The following EPHA7 variants were observed in gnomAD, a reference collection of about 807,000 sequenced individuals.
EPHA7 encodes ephrin type-A receptor 7.
A neutral mutation model predicts 112.6 loss-of-function variants in EPHA7; 25 were observed. The observed-to-expected ratio is 0.22, with a 90% CI of 0.16 to 0.31. The LOEUF (loss-of-function observed/expected upper bound fraction) is 0.31. Ranked by LOEUF, EPHA7 falls within the 10% of genes least tolerant of loss-of-function variation. EPHA7 has a pLI of 1.00. For synonymous variants in EPHA7, 437 were observed against 406.5 expected (o/e 1.07, Z -0.90); for missense variants, 962 against 1,212.6 (o/e 0.79, Z 3.07).
At chr6:93,416,040 T>C (rs1349428762) in intron 1 of EPHA7, among the ~76,000 whole-genome samples, 9 of 152,094 alleles carry the variant, frequency 5.9e-5, no homozygotes, top group Non-Finnish European at 1.3e-4. Flanking sequence ...GTTGTTGTTG[T>C]TGTTTCTTTG....
intron 5 of EPHA7, 114 bp from the exon 6 acceptor site, chr6:93,272,536 C>T (rs1430796475): frequency 4.7e-6 from 6 of 1,283,024 alleles, no homozygotes; most frequent in African/African-American, 1.5e-5. Flanking sequence ...TAAAAGAAAG[C>T]ACCTTTTCAT....
At chr6:93,331,794 C>A (rs76902358) in intron 5 of EPHA7, among the ~76,000 whole-genome samples, 1 of 151,462 alleles carries the variant, frequency 6.6e-6, no homozygotes, top group Non-Finnish European at 1.5e-5. Context: ...TTCAAAGATA[C>A]GTACTTTCTA....
intron 5 of EPHA7, among the ~76,000 whole-genome samples, chr6:93,336,893 T>TAAA (rs35715060): frequency 1.2e-4 from 17 of 146,840 alleles, no homozygotes; most frequent in Admixed American, 4.1e-4. Flanking sequence ...ATTATTTTTG[T>TAAA]AAAAAAAAAA....
chr6:93,361,032 G>T (rs921552967), intron 3 of EPHA7, among the ~76,000 whole-genome samples: 2 of 151,908 alleles, frequency 1.3e-5, no homozygotes, highest in African/African-American at 4.8e-5. Flanking sequence ...AACTTAGAAA[G>T]CTATGAAATA....
At chr6:93,312,609 T>C (rs537724351) in intron 5 of EPHA7, among the ~76,000 whole-genome samples, 1 of 152,342 alleles carries the variant, frequency 6.6e-6, no homozygotes, top group East Asian at 1.9e-4. Context: ...TTTCACTCTC[T>C]TATCATTCGT....
At chr6:93,351,949 T>A (rs1414040593) in intron 5 of EPHA7, among the ~76,000 whole-genome samples, 1 of 152,100 alleles carries the variant, frequency 6.6e-6, no homozygotes. Flanking sequence ...AATTCTAGTA[T>A]AAAGAGGTGA....
intron 2 of EPHA7, among the ~76,000 whole-genome samples, chr6:93,411,562 G>A (rs748074165): frequency 7.2e-5 from 11 of 152,016 alleles, no homozygotes; most frequent in Non-Finnish European, 1.3e-4. Context: ...TGATAACTCA[G>A]TTGACATTTT....
At chr6:93,263,523 C>T (rs1770786435) in intron 9 of EPHA7, among the ~76,000 whole-genome samples, 1 of 151,342 alleles carries the variant, frequency 6.6e-6, no homozygotes, top group African/African-American at 2.4e-5. Context: ...CCTGACATGA[C>T]ATTCCTTAGC....
intron 3 of EPHA7, among the ~76,000 whole-genome samples, chr6:93,359,866 G>C (rs1416636369): frequency 1.6e-5 from 2 of 122,960 alleles, no homozygotes; most frequent in African/African-American, 3.0e-5. Flanking sequence ...GAGAGAGAGA[G>C]AGAGAGAGAG....
chr6:93,408,720 T>C (rs1778834599), intron 3 of EPHA7, among the ~76,000 whole-genome samples: 1 of 152,124 alleles, frequency 6.6e-6, no homozygotes. Context: ...TTAGCAGCCA[T>C]CCACATGAAG....
At chr6:93,363,376 T>C (rs1036177813) in intron 3 of EPHA7, among the ~76,000 whole-genome samples, 1 of 152,016 alleles carries the variant, frequency 6.6e-6, no homozygotes, top group Non-Finnish European at 1.5e-5. Context: ...AATAAGCCAA[T>C]CAAAAATATG....
rs532623918 is a variant in EPHA7, at chr6:93,400,480, A to G, written c.832+10021T>C. On this transcript the variant is annotated intron_variant, in intron 3 of 16. Transcript: ENST00000369303. Reference sequence around the variant, plus strand: ...CCTCCACACCTATCCATTCACCCCTAATCCCTCTCCTGGTCCAACTCTCTT... The same window carrying G: ...CCTCCACACCTATCCATTCACCCCTGATCCCTCTCCTGGTCCAACTCTCTT... Among the ~76,000 whole-genome samples, 116 of 152,086 alleles carry G rather than the reference A, an allele frequency of 7.6e-4. 1 individual carries two copies. Among genetic ancestry groups the G allele is most frequent in the African/African-American group, 2.7e-3 (111 of 41,490 alleles).
intron 5 of EPHA7, among the ~76,000 whole-genome samples, chr6:93,348,503 C>A (rs578087389): frequency 6.6e-6 from 1 of 151,640 alleles, no homozygotes; most frequent in Admixed American, 6.6e-5. Context: ...TGAAGCATTA[C>A]GAAAGTTTTC....
intron 9 of EPHA7, among the ~76,000 whole-genome samples, chr6:93,263,380 T>C (rs553981656): frequency 6.6e-6 from 1 of 151,552 alleles, no homozygotes. Context: ...AATCTTATTA[T>C]TATACTATTT....
At chr6:93,281,096 A>G (rs1383516830) in intron 5 of EPHA7, among the ~76,000 whole-genome samples, 1 of 152,192 alleles carries the variant, frequency 6.6e-6, no homozygotes, top group Non-Finnish European at 1.5e-5. Flanking sequence ...TTTATAAAAT[A>G]GCTATTTCAG....
chr6:93,325,419 G>A (rs1241871279), intron 5 of EPHA7, among the ~76,000 whole-genome samples: 1 of 151,148 alleles, frequency 6.6e-6, no homozygotes, highest in Non-Finnish European at 1.5e-5. Context: ...AACCAGTGAT[G>A]CGCAAGTGAC....
intron 16 of EPHA7, 150 bp downstream of exon 16, chr6:93,245,148 T>C: frequency 1.5e-6 from 1 of 670,496 alleles, no homozygotes. Flanking sequence ...GTATAATGCC[T>C]GGTACGCAGT....
chr6:93,362,430 T>G (rs1025107280), intron 3 of EPHA7, among the ~76,000 whole-genome samples: 3 of 152,072 alleles, frequency 2.0e-5, no homozygotes, highest in Non-Finnish European at 4.4e-5. Flanking sequence ...TATTTTTAAT[T>G]TAAAATTTTT....
chr6:93,261,596 T>C (rs1165890305), intron 9 of EPHA7, among the ~76,000 whole-genome samples: 2 of 151,562 alleles, frequency 1.3e-5, no homozygotes, highest in Non-Finnish European at 3.0e-5. Flanking sequence ...AAAATGAATG[T>C]TTTAAAATAA....
Sources: allele counts gnomAD v4.1 joint callset (sites outside exome capture counted in the v4.1 genomes callset), GRCh38; gene constraint gnomAD v4.1.1; transcripts MANE v1.5; gene names NCBI Gene and HGNC (gene_info 2026-07-23, HGNC 2026-07-21).